The following TGFA variants were observed in gnomAD, a reference collection of about 807,000 sequenced individuals.
TGFA encodes the protein transforming growth factor alpha, also known as protransforming growth factor alpha.
A neutral mutation model predicts 21.7 loss-of-function variants in TGFA; 12 were observed. The observed-to-expected ratio is 0.55, with a 90% CI of 0.35 to 0.90. The LOEUF is 0.90. TGFA is among the 40% of genes least tolerant of loss of function. The probability of loss-of-function intolerance (pLI) is 0.01; values close to 1 mark genes in which losing one functional copy is unlikely to be tolerated. For synonymous variants in TGFA, 79 were observed against 88.1 expected, an observed-to-expected ratio of 0.90 and a Z score of 0.58; for missense variants, 178 against 210.8, an observed-to-expected ratio of 0.84 and a Z score of 0.96.
chr2:70,534,398 G>A (rs149588279), intron 1 of TGFA, among the ~76,000 whole-genome samples: 1 of 152,304 alleles, frequency 6.6e-6, no homozygotes, highest in East Asian at 1.9e-4. Flanking sequence ...GTGGGGAGGT[G>A]TAGAGGGGGA....
chr2:70,511,638 G>A (rs953777837), intron 2 of TGFA, among the ~76,000 whole-genome samples: 5 of 152,158 alleles, frequency 3.3e-5, no homozygotes, highest in Non-Finnish European at 7.3e-5. Context: ...TTGTGGTGAC[G>A]TTTTAAAAGG....
At chr2:70,450,946 T>G (rs1235484003) in intron 5 of TGFA, 80 bp from the exon 6 acceptor site, 2 of 1,527,172 alleles carry the variant, frequency 1.3e-6, no homozygotes, top group Non-Finnish European at 1.8e-6. Context: ...GAAAGAGACT[T>G]GGAGATGGCA....
intron 1 of TGFA, among the ~76,000 whole-genome samples, chr2:70,539,229 T>C (rs2103927227): frequency 6.6e-6 from 1 of 152,330 alleles, no homozygotes; most frequent in East Asian, 1.9e-4. Flanking sequence ...CTCACTTTAT[T>C]GTGATATCTG....
intron 1 of TGFA, among the ~76,000 whole-genome samples, chr2:70,536,738 A>G (rs1210001028): frequency 2.0e-5 from 3 of 152,240 alleles, no homozygotes; most frequent in African/African-American, 7.2e-5. Flanking sequence ...TGAATATATT[A>G]CAAAGAAGAG....
rs1669958113 is a variant in TGFA, at chr2:70,448,653, A to AGG, written c.*2205_*2206insCC. 6.6e-6 allele frequency: 1 copy of AGG among 152,234 alleles called. No homozygotes were observed. Among genetic ancestry groups the AGG allele is most frequent in the Non-Finnish European group, 1.5e-5 (1 of 68,048 alleles). 9.4% of individuals were successfully genotyped at this position (152,234 alleles called of 1,614,324 possible). On this transcript the variant is annotated 3_prime_UTR_variant, in exon 6 of 6. Transcript: ENST00000295400. ...GGCTGTTCTATCCTGAGGCATGGACAATGGTCCAACCAGGCTTGCATTGAT... is the reference window on the plus strand; with the variant it reads ...GGCTGTTCTATCCTGAGGCATGGACAGGATGGTCCAACCAGGCTTGCATTGAT...
intron 2 of TGFA, among the ~76,000 whole-genome samples, chr2:70,471,114 C>A (rs1360940810): frequency 7.1e-6 from 1 of 141,178 alleles, no homozygotes; most frequent in African/African-American, 2.8e-5. Flanking sequence ...CCCGCACCCC[C>A]CCCACCATAT....
At chr2:70,456,531 TC>T in intron 3 of TGFA, 43 bp from the exon 4 acceptor site, 1 of 1,560,834 alleles carries the variant, frequency 6.4e-7, no homozygotes, top group South Asian at 1.2e-5. Context: ...TGACAAAAGG[TC>T]TTGTTACCCT....
chr2:70,500,281 A>G (rs1027603188), intron 2 of TGFA, among the ~76,000 whole-genome samples: 1 of 152,318 alleles, frequency 6.6e-6, no homozygotes, highest in East Asian at 1.9e-4. Flanking sequence ...TTACTTAAAA[A>G]CAAAAATATT....
intron 2 of TGFA, among the ~76,000 whole-genome samples, chr2:70,487,906 A>C (rs141344965): frequency 1.5e-3 from 233 of 152,344 alleles, no homozygotes; most frequent in Middle Eastern, 0.01. Context: ...GCTGCATTCC[A>C]GGAAATTTGT....
chr2:70,527,563 C>T (rs1672675105), intron 1 of TGFA, among the ~76,000 whole-genome samples: 1 of 152,196 alleles, frequency 6.6e-6, no homozygotes, highest in Admixed American at 6.5e-5. Flanking sequence ...GAATGTACAA[C>T]TACAAGAGTG....
intron 2 of TGFA, among the ~76,000 whole-genome samples, chr2:70,466,510 C>T (rs1378248799): frequency 6.6e-6 from 1 of 151,868 alleles, no homozygotes; most frequent in African/African-American, 2.4e-5. Context: ...AAGACTCTGT[C>T]TCAAAAAAAA....
intron 2 of TGFA, among the ~76,000 whole-genome samples, chr2:70,481,233 C>A (rs1671111448): frequency 6.6e-6 from 1 of 152,166 alleles, no homozygotes; most frequent in African/African-American, 2.4e-5. Flanking sequence ...CATATGGTGT[C>A]CCTGGGAGAG....
At chr2:70,471,117 C>G (rs568340807) in intron 2 of TGFA, among the ~76,000 whole-genome samples, 2 of 143,402 alleles carry the variant, frequency 1.4e-5, no homozygotes, top group African/African-American at 2.7e-5. Context: ...GCACCCCCCC[C>G]ACCATATAAC....
chr2:70,521,173 T>C (rs1452671056), intron 1 of TGFA, among the ~76,000 whole-genome samples: 5 of 152,144 alleles, frequency 3.3e-5, no homozygotes, highest in Non-Finnish European at 2.9e-5. Flanking sequence ...AAGCTCTCCA[T>C]GGGCTCTGTA....
intron 1 of TGFA, among the ~76,000 whole-genome samples, chr2:70,543,525 C>CA (rs10580951): frequency 0.026 from 3,083 of 117,846 alleles, 90 homozygotes; most frequent in African/African-American, 0.081. Context: ...GACTCTGTCT[C>CA]AAAAAAAAAA....
intron 2 of TGFA, among the ~76,000 whole-genome samples, chr2:70,479,017 A>G (rs1057504179): frequency 5.3e-5 from 8 of 152,104 alleles, no homozygotes; most frequent in Non-Finnish European, 1.0e-4. Flanking sequence ...ACCAGTTTTT[A>G]TTTGTCATCT....
intron 3 of TGFA, among the ~76,000 whole-genome samples, chr2:70,458,964 G>A (rs1553491047): frequency 6.6e-6 from 1 of 152,224 alleles, no homozygotes; most frequent in East Asian, 1.9e-4. Flanking sequence ...GTAACCAGGA[G>A]TTGTGGACAA....
intron 1 of TGFA, among the ~76,000 whole-genome samples, chr2:70,523,458 C>T (rs190524436): frequency 6.6e-6 from 1 of 152,354 alleles, no homozygotes; most frequent in Non-Finnish European, 1.5e-5. Flanking sequence ...ACAGCCCTTT[C>T]TTCCACCCAA....
At chr2:70,531,951 C>T (rs1162957166) in intron 1 of TGFA, among the ~76,000 whole-genome samples, 4 of 152,160 alleles carry the variant, frequency 2.6e-5, no homozygotes, top group African/African-American at 7.2e-5. Context: ...CATACTCACA[C>T]AAAATTATTG....
Sources: allele counts gnomAD v4.1 joint callset (sites outside exome capture counted in the v4.1 genomes callset), GRCh38; gene constraint gnomAD v4.1.1; transcripts MANE v1.5; gene names NCBI Gene and HGNC (gene_info 2026-07-23, HGNC 2026-07-21).